Variants in EXOC4 observed in about 807,000 individuals in gnomAD.
EXOC4 encodes exocyst complex component 4.
EXOC4 carries 71 observed loss-of-function variants against 107.2 expected under a neutral mutation model. The observed-to-expected ratio is 0.66, with a 90% confidence interval of 0.55 to 0.81. The LOEUF (loss-of-function observed/expected upper bound fraction) is 0.81, where lower values mean the gene tolerates loss of function less well. Ranked by LOEUF, EXOC4 falls within the 30% of genes least tolerant of loss-of-function variation. The pLI, the probability that EXOC4 is intolerant of heterozygous loss-of-function variation, is 0.00. For missense variants in EXOC4, 1,108 were observed against 1,189.6 expected (o/e 0.93, Z 1.01); for synonymous variants, 456 against 441.2 (o/e 1.03, Z -0.42).
intron 7 of EXOC4, among the ~76,000 whole-genome samples, chr7:133,464,676 A>G (rs946847263): frequency 4.6e-5 from 7 of 152,154 alleles, no homozygotes; most frequent in Non-Finnish European, 7.4e-5. Flanking sequence ...CTCTGTGATG[A>G]TAGAAGGAGT....
intron 14 of EXOC4, among the ~76,000 whole-genome samples, chr7:133,948,181 C>T (rs1386778232): frequency 2.6e-5 from 4 of 152,168 alleles, no homozygotes; most frequent in Non-Finnish European, 4.4e-5. Context: ...TACCTGAAGG[C>T]GCTGATTGTG....
intron 3 of EXOC4, among the ~76,000 whole-genome samples, chr7:133,292,251 G>A (rs1383546971): frequency 6.6e-6 from 1 of 152,146 alleles, no homozygotes; most frequent in South Asian, 2.1e-4. Context: ...GGCTGAGGCT[G>A]GAGAATCACT....
chr7:133,781,896 G>A (rs17167263), intron 10 of EXOC4, among the ~76,000 whole-genome samples: 18,833 of 132,754 alleles, frequency 0.14, 1,270 homozygotes, highest in African/African-American at 0.16. Flanking sequence ...CAGACCTGCC[G>A]CATAATCAGT....
In EXOC4 at chr7:133,512,323, G is replaced by A. The variant is rs181345525; in HGVS notation, c.1417+32185G>A. On this transcript the variant is annotated intron_variant, in intron 9 of 17. Coordinates refer to ENST00000253861, the MANE Select transcript of EXOC4 (RefSeq NM_021807.4). ...CTCGTGCCTATAATCCCAGCTGCTC[G>A]GGAACTAAGGCAGTAGAATCACTAG... is the stretch of plus-strand genomic sequence containing the variant. 3.2e-3 allele frequency among the ~76,000 whole-genome samples: 492 copies of A among 152,164 alleles called. 4 individuals carry two copies. The highest frequency in any genetic ancestry group is 4.6e-3 in the Non-Finnish European group (312 of 68,004).
At chr7:133,280,817 G>C (rs184027893) in intron 2 of EXOC4, among the ~76,000 whole-genome samples, 259 of 152,260 alleles carry the variant, frequency 1.7e-3, no homozygotes, top group African/African-American at 5.6e-3. Flanking sequence ...TGTCCTAGTA[G>C]AACAACATGG....
At chr7:133,506,058 G>T (rs139726341) in intron 9 of EXOC4, among the ~76,000 whole-genome samples, 1 of 152,062 alleles carries the variant, frequency 6.6e-6, no homozygotes, top group East Asian at 1.9e-4. Context: ...TGAGAGATAC[G>T]CTGGAAAAAT....
intron 11 of EXOC4, among the ~76,000 whole-genome samples, chr7:133,870,153 C>T (rs1208958034): frequency 6.6e-6 from 1 of 151,936 alleles, no homozygotes; most frequent in Non-Finnish European, 1.5e-5. Flanking sequence ...AGTGTGCATC[C>T]CTTTATGAGC....
intron 9 of EXOC4, among the ~76,000 whole-genome samples, chr7:133,520,650 TATATGAATCA>T (rs1423281352): frequency 6.6e-6 from 1 of 152,198 alleles, no homozygotes; most frequent in African/African-American, 2.4e-5. Context: ...ATTGTTAGTT[TATATGAATCA>T]ATTACAGGGG....
chr7:133,759,065 G>A (rs1023542863), intron 10 of EXOC4, among the ~76,000 whole-genome samples: 3 of 151,978 alleles, frequency 2.0e-5, no homozygotes, highest in African/African-American at 7.3e-5. Context: ...TTTAGGGATT[G>A]CTCCCCATGC....
At chr7:134,063,729 A>T (rs1010588723) in intron 17 of EXOC4, among the ~76,000 whole-genome samples, 2 of 152,162 alleles carry the variant, frequency 1.3e-5, no homozygotes, top group African/African-American at 2.4e-5. Context: ...ACTGTCACAC[A>T]TTAGCATCAT....
intron 7 of EXOC4, among the ~76,000 whole-genome samples, chr7:133,429,382 T>C (rs915551366): frequency 1.3e-5 from 2 of 152,222 alleles, no homozygotes; most frequent in African/African-American, 4.8e-5. Context: ...ATTGATTCTG[T>C]TACGTATTAG....
intron 11 of EXOC4, among the ~76,000 whole-genome samples, chr7:133,871,775 G>A (rs1798756469): frequency 6.6e-6 from 1 of 152,134 alleles, no homozygotes; most frequent in Non-Finnish European, 1.5e-5. Context: ...ATGTTACCTT[G>A]GGGTTGTTAC....
chr7:134,046,759 C>T (rs1795663983), intron 17 of EXOC4, among the ~76,000 whole-genome samples: 1 of 152,122 alleles, frequency 6.6e-6, no homozygotes, highest in Non-Finnish European at 1.5e-5. Context: ...ACTCCCATGC[C>T]TTTGCATTTT....
chr7:133,344,551 A>T lies in EXOC4; in HGVS notation c.764-11779A>T, dbSNP rs367970179. ...TTTAGCTGTCTTGTCATCGGGTAGG[A>T]TTCCAAATTTTCCCTTTTTTCCTGT... On this transcript the variant is annotated intron_variant, in intron 5 of 17. Transcript: ENST00000253861. Among the ~76,000 whole-genome samples the T allele has an allele frequency of 6.2e-4, 94 of 152,252 alleles. No individual in the cohort carries two copies. In the Middle Eastern group the frequency reaches 0.02, roughly 33 times the overall value.
intron 10 of EXOC4, among the ~76,000 whole-genome samples, chr7:133,790,578 G>A (rs970574317): frequency 1.3e-5 from 2 of 152,230 alleles, no homozygotes; most frequent in African/African-American, 4.8e-5. Flanking sequence ...TATTTTGTGG[G>A]TGACCACATG....
intron 4 of EXOC4, among the ~76,000 whole-genome samples, chr7:133,314,104 G>T (rs1204829109): frequency 6.6e-6 from 1 of 152,004 alleles, no homozygotes; most frequent in Admixed American, 6.6e-5. Context: ...CCCGTTGAAG[G>T]TATTAATTAA....
At chr7:133,811,357 T>C (rs1031390062) in intron 10 of EXOC4, among the ~76,000 whole-genome samples, 1 of 152,184 alleles carries the variant, frequency 6.6e-6, no homozygotes, top group East Asian at 1.9e-4. Flanking sequence ...GGAGCATTGT[T>C]GGGAAAATTG....
intron 6 of EXOC4, among the ~76,000 whole-genome samples, chr7:133,368,827 T>A (rs920820091): frequency 6.6e-6 from 1 of 152,200 alleles, no homozygotes; most frequent in African/African-American, 2.4e-5. Flanking sequence ...AGGGTAGAAA[T>A]TGCAATTAAT....
In EXOC4 at chr7:133,817,546, TA is replaced by T; in HGVS notation, c.1734+4del. ...GGAGTGCAGCGGCCTCTCCTACAGG[TA>T]ATAATACACTTTGAACTTACTATTT... On this transcript the variant is annotated splice_donor_region_variant and intron_variant, in intron 11 of 17. Transcript: ENST00000253861. 6.2e-7 allele frequency: 1 copy of T among 1,605,000 alleles called. No individual in the cohort carries two copies. The highest frequency in any genetic ancestry group is 8.5e-7 in the Non-Finnish European group (1 of 1,171,972).
Sources: allele counts gnomAD v4.1 joint callset (sites outside exome capture counted in the v4.1 genomes callset), GRCh38; gene constraint gnomAD v4.1.1; transcripts MANE v1.5; gene names NCBI Gene and HGNC (gene_info 2026-07-23, HGNC 2026-07-21).